Variants in IMMP2L observed in about 807,000 individuals in gnomAD.
IMMP2L encodes inner mitochondrial membrane peptidase subunit 2.
A neutral mutation model predicts 19.3 loss-of-function variants in IMMP2L; 18 were observed. That is an observed-to-expected ratio of 0.93 (90% confidence interval 0.64 to 1.38). The LOEUF is 1.38. IMMP2L is among the 40% of genes most tolerant of loss of function. The pLI, the probability that IMMP2L is intolerant of heterozygous loss-of-function variation, is 0.00. For synonymous variants in IMMP2L, 76 were observed against 73.0 expected, an observed-to-expected ratio of 1.04 and a Z score of -0.21; for missense variants, 233 against 218.2, an observed-to-expected ratio of 1.07 and a Z score of -0.43.
chr7:111,460,030 G>T (rs1050448246), intron 3 of IMMP2L, among the ~76,000 whole-genome samples: 1 of 152,076 alleles, frequency 6.6e-6, no homozygotes, highest in African/African-American at 2.4e-5. Flanking sequence ...TGCACCTCTA[G>T]AGGCCCCAGA....
chr7:111,468,536 AAG>A (rs942956179), intron 3 of IMMP2L, among the ~76,000 whole-genome samples: 4 of 152,108 alleles, frequency 2.6e-5, no homozygotes, highest in African/African-American at 9.7e-5. Context: ...AGAACTATAA[AAG>A]AGAATGTCTA....
chr7:111,470,795 C>A (rs1313681657), intron 3 of IMMP2L, among the ~76,000 whole-genome samples: 2 of 150,204 alleles, frequency 1.3e-5, no homozygotes, highest in African/African-American at 4.9e-5. Context: ...TTAATGGGTG[C>A]AGCACACCAG....
At chr7:110,799,404 C>T (rs1417494194) in intron 5 of IMMP2L, among the ~76,000 whole-genome samples, 2 of 151,860 alleles carry the variant, frequency 1.3e-5, no homozygotes, top group East Asian at 3.9e-4. Flanking sequence ...CAAGTCAGGA[C>T]ATATTTGTAG....
intron 5 of IMMP2L, among the ~76,000 whole-genome samples, chr7:110,759,364 T>A (rs915661030): frequency 2.6e-5 from 4 of 152,104 alleles, no homozygotes; most frequent in Non-Finnish European, 5.9e-5. Context: ...ACAAAGTAGA[T>A]GTGAGATAAA....
intron 5 of IMMP2L, among the ~76,000 whole-genome samples, chr7:110,715,718 T>C (rs1297849535): frequency 6.6e-6 from 1 of 151,648 alleles, no homozygotes. Context: ...ATGAGGAGAA[T>C]GTGTAGGCTG....
chr7:110,991,078 C>T (rs1176290627), intron 3 of IMMP2L, among the ~76,000 whole-genome samples: 2 of 152,100 alleles, frequency 1.3e-5, no homozygotes, highest in East Asian at 3.9e-4. Flanking sequence ...ATCCTATGAG[C>T]TGTTTACATA....
rs1793424270 is a variant in IMMP2L, at chr7:110,690,569, C to G, written c.409-26848G>C. 2.6e-5 allele frequency among the ~76,000 whole-genome samples: 4 copies of G among 152,074 alleles called. No individual in the cohort carries two copies. The South Asian group carries it at 8.3e-4, about 32-fold the overall frequency. On this transcript the variant is annotated intron_variant, in intron 5 of 5. Coordinates refer to ENST00000405709, the MANE Select transcript of IMMP2L (RefSeq NM_032549.4). ...TACCTAGAAAATCCTAAAGACTCCT[C>G]CAAAAGACTCCTACATTTGATAAAT...
At chr7:111,004,757 C>T (rs920000639) in intron 3 of IMMP2L, among the ~76,000 whole-genome samples, 1 of 152,078 alleles carries the variant, frequency 6.6e-6, no homozygotes, top group African/African-American at 2.4e-5. Context: ...CAGTGGCTGA[C>T]CCTAACTGGG....
intron 3 of IMMP2L, among the ~76,000 whole-genome samples, chr7:111,283,766 T>C (rs1299965372): frequency 6.6e-6 from 1 of 151,364 alleles, no homozygotes. Flanking sequence ...GGTCAGGAGA[T>C]CGAGACCATC....
intron 3 of IMMP2L, among the ~76,000 whole-genome samples, chr7:111,192,672 A>C (rs1365580958): frequency 6.6e-6 from 1 of 152,122 alleles, no homozygotes; most frequent in East Asian, 1.9e-4. Context: ...AGAGCTCAGG[A>C]GAAACCCAAA....
At chr7:111,387,988 A>AAAAAC (rs1330405518) in intron 3 of IMMP2L, among the ~76,000 whole-genome samples, 2 of 150,578 alleles carry the variant, frequency 1.3e-5, no homozygotes, top group African/African-American at 4.9e-5. Flanking sequence ...AAAAAAAAAA[A>AAAAAC]AAAAAAAAAA....
chr7:111,302,861 A>G (rs1339305031), intron 3 of IMMP2L, among the ~76,000 whole-genome samples: 2 of 152,004 alleles, frequency 1.3e-5, no homozygotes, highest in African/African-American at 4.8e-5. Context: ...TCTTAATATG[A>G]CTCGTTTGTG....
At chr7:111,296,994 G>C (rs145223558) in intron 3 of IMMP2L, among the ~76,000 whole-genome samples, 1 of 152,076 alleles carries the variant, frequency 6.6e-6, no homozygotes, top group Non-Finnish European at 1.5e-5. Flanking sequence ...CAAAATTATG[G>C]AGATGAAGAA....
intron 3 of IMMP2L, among the ~76,000 whole-genome samples, chr7:111,170,816 T>C (rs1291221587): frequency 1.3e-5 from 2 of 151,866 alleles, no homozygotes; most frequent in Middle Eastern, 3.4e-3. Context: ...TACTGCATAG[T>C]AGTAAAGCCT....
At chr7:110,937,465 T>G (rs750396089) in intron 4 of IMMP2L, among the ~76,000 whole-genome samples, 9 of 152,138 alleles carry the variant, frequency 5.9e-5, no homozygotes, top group Non-Finnish European at 1.3e-4. Context: ...GAAGGCAGTT[T>G]CCGGGTACTC....
At chr7:111,023,644 T>G (rs1390966495) in intron 3 of IMMP2L, among the ~76,000 whole-genome samples, 1 of 151,962 alleles carries the variant, frequency 6.6e-6, no homozygotes, top group Non-Finnish European at 1.5e-5. Flanking sequence ...GAGGCAGAGG[T>G]TGCAGTGAGC....
intron 5 of IMMP2L, among the ~76,000 whole-genome samples, chr7:110,859,562 G>A (rs1563031261): frequency 6.6e-6 from 1 of 151,788 alleles, no homozygotes; most frequent in Admixed American, 6.6e-5. Context: ...GGGCAACATG[G>A]AGAAATCCCG....
At chr7:110,695,700 C>A (rs2130587369) in intron 5 of IMMP2L, among the ~76,000 whole-genome samples, 1 of 152,202 alleles carries the variant, frequency 6.6e-6, no homozygotes, top group East Asian at 1.9e-4. Flanking sequence ...AACCTCAGGG[C>A]AGCAGCATAA....
chr7:111,505,807 G>C lies in IMMP2L; in HGVS notation c.135+15506C>G, dbSNP rs182171846. On this transcript the variant is annotated intron_variant, in intron 2 of 5. Coordinates refer to ENST00000405709, the MANE Select transcript of IMMP2L (RefSeq NM_032549.4). ...GACACAGGAAGGGGAACATCACACA[G>C]TGGGGACTGTTGTGGGGTGGGGGGA... Among the ~76,000 whole-genome samples, 92 of 151,510 alleles carry C rather than the reference G, an allele frequency of 6.1e-4. 2 individuals are homozygous for C. Among genetic ancestry groups the C allele is most frequent in the African/African-American group, 2.0e-3 (83 of 41,102 alleles).
Sources: gnomAD v4.1 joint callset for allele counts (sites outside exome capture counted in the v4.1 genomes callset) on GRCh38, gnomAD v4.1.1 for gene constraint, MANE v1.5 for transcripts, NCBI Gene and HGNC (gene_info 2026-07-23, HGNC 2026-07-21) for gene names.